AOPEP: variants seen among roughly 807,000 people sequenced by gnomAD.
AOPEP encodes aminopeptidase O (putative).
A neutral mutation model predicts 98.1 loss-of-function variants in AOPEP; 77 were observed. That is an observed-to-expected ratio of 0.78 (90% CI 0.65 to 0.95). The LOEUF (loss-of-function observed/expected upper bound fraction) is 0.95, where lower values mean the gene tolerates loss of function less well. AOPEP is among the 40% of genes least tolerant of loss of function. The pLI, the probability that AOPEP is intolerant of heterozygous loss-of-function variation, is 0.00. For synonymous variants in AOPEP, 346 were observed against 365.3 expected (o/e 0.95, Z 0.60); for missense variants, 1,024 against 1,024.7 (o/e 1.00, Z 0.01).
At chr9:95,105,624 C>T in the AOPEP span, among the ~76,000 whole-genome samples, 1 of 152,134 alleles carries the variant, frequency 6.6e-6, no homozygotes, top group African/African-American at 2.4e-5. Context: ...GTCTCCTGCC[C>T]CTTTCCATGA....
chr9:94,867,769 G>C (rs1485771861), intron 5 of AOPEP, among the ~76,000 whole-genome samples: 1 of 152,158 alleles, frequency 6.6e-6, no homozygotes, highest in Admixed American at 6.5e-5. Context: ...GATAGGATCT[G>C]TTCTGATTCG....
At chr9:95,102,594 C>T in the AOPEP span, among the ~76,000 whole-genome samples, 1 of 152,182 alleles carries the variant, frequency 6.6e-6, no homozygotes, top group African/African-American at 2.4e-5. Context: ...ACAGAACCCG[C>T]AAATGTTTAA....
chr9:94,892,055 C>G (rs1026328288), intron 5 of AOPEP, among the ~76,000 whole-genome samples: 4 of 152,162 alleles, frequency 2.6e-5, no homozygotes, highest in African/African-American at 9.7e-5. Context: ...CACTGTCTTT[C>G]AAATTAGTAT....
chr9:95,055,951 G>A (rs1042416715), intron 13 of AOPEP, among the ~76,000 whole-genome samples: 1 of 151,886 alleles, frequency 6.6e-6, no homozygotes. Context: ...ATATAGCAGA[G>A]AATGCTTTTC....
chr9:94,900,755 A>C (rs143517169), intron 5 of AOPEP: 28 of 152,332 alleles, frequency 1.8e-4, no homozygotes, highest in African/African-American at 6.7e-4. Context: ...TGGGGCATGT[A>C]GACAATCCAA....
chr9:94,956,095 A>G, intron 9 of AOPEP, 80 bp downstream of exon 9: 1 of 815,910 alleles, frequency 1.2e-6, no homozygotes, highest in Non-Finnish European at 2.0e-6. Context: ...TGCCAGTATT[A>G]AAGAGTAGGG....
intron 5 of AOPEP, among the ~76,000 whole-genome samples, chr9:94,916,978 T>G (rs1163785519): frequency 6.6e-6 from 1 of 152,214 alleles, no homozygotes; most frequent in Non-Finnish European, 1.5e-5. Flanking sequence ...AATAAAATAC[T>G]GTTTCTCCCT....
chr9:94,832,592 A>G (rs1856231515), intron 5 of AOPEP, among the ~76,000 whole-genome samples: 1 of 152,222 alleles, frequency 6.6e-6, no homozygotes, highest in South Asian at 2.1e-4. Flanking sequence ...GTTTTTTGGC[A>G]TAGCAAAAGA....
At chr9:94,992,501 AG>A (rs2132388246) in intron 11 of AOPEP, among the ~76,000 whole-genome samples, 1 of 152,362 alleles carries the variant, frequency 6.6e-6, no homozygotes, top group East Asian at 1.9e-4. Context: ...GGCTGGGTAG[AG>A]GAGGAAAGTC....
intron 16 of AOPEP, among the ~76,000 whole-genome samples, chr9:95,083,502 G>C (rs536102619): frequency 2.9e-5 from 4 of 139,248 alleles, no homozygotes; most frequent in East Asian, 2.2e-4. Flanking sequence ...ACACCACACA[G>C]AGCACCTGGA....
At chr9:94,916,703 A>ATT (rs1231239824) in intron 5 of AOPEP, among the ~76,000 whole-genome samples, 2,202 of 150,356 alleles carry the variant, frequency 0.015, 58 homozygotes, top group African/African-American at 0.051. Flanking sequence ...TCAAAAAAAA[A>ATT]AAAAAATTAA....
At chr9:94,817,038 T>A (rs1313590396) in intron 5 of AOPEP, among the ~76,000 whole-genome samples, 1 of 152,216 alleles carries the variant, frequency 6.6e-6, no homozygotes, top group Non-Finnish European at 1.5e-5. Flanking sequence ...CTCACTTTTT[T>A]ACCCAAGGCT....
chr9:94,951,153 A>G (rs2058076181), intron 7 of AOPEP, among the ~76,000 whole-genome samples: 1 of 152,228 alleles, frequency 6.6e-6, no homozygotes, highest in South Asian at 2.1e-4. Flanking sequence ...CTCACATTCC[A>G]TGTATTCCAG....
At position 95,076,723 on chromosome 9, in the gene AOPEP, G is replaced by A. The variant is rs186983024; in HGVS notation, c.2233-3971G>A. 6.6e-5 allele frequency among the ~76,000 whole-genome samples: 10 copies of A among 152,354 alleles called. No homozygotes were observed. The East Asian group carries it at 1.9e-3, about 29-fold the overall frequency. ...AGTGGCCACCTGCACAGTAGGGACT[G>A]AAGGCAGTCTCTGGGCATAGGGATG... On this transcript the variant is annotated intron_variant, in intron 14 of 16. Transcript: ENST00000375315.
At chr9:95,146,487 C>CAA in the AOPEP span, among the ~76,000 whole-genome samples, 9,512 of 45,494 alleles carry the variant, frequency 0.21, 1,825 homozygotes, top group South Asian at 0.31. Flanking sequence ...GACCCCATCT[C>CAA]AAAAAAAAAA....
At chr9:95,054,583 G>C (rs1462365174) in intron 13 of AOPEP, among the ~76,000 whole-genome samples, 3 of 152,192 alleles carry the variant, frequency 2.0e-5, no homozygotes, top group African/African-American at 7.2e-5. Context: ...AATTATTTCA[G>C]ATAGTATTTG....
At chr9:94,870,025 A>G (rs1201059258) in intron 5 of AOPEP, among the ~76,000 whole-genome samples, 1 of 84,534 alleles carries the variant, frequency 1.2e-5, no homozygotes, top group South Asian at 3.6e-4. Context: ...TTTCGTTCTT[A>G]TTGCCTAAGC....
the AOPEP span, among the ~76,000 whole-genome samples, chr9:95,095,804 C>T: frequency 7.0e-6 from 1 of 142,006 alleles, no homozygotes; most frequent in African/African-American, 2.5e-5. Context: ...CTCCAAAGGA[C>T]TGGAGAGTCT....
intron 13 of AOPEP, among the ~76,000 whole-genome samples, chr9:95,041,623 A>G (rs1237835214): frequency 6.6e-6 from 1 of 152,158 alleles, no homozygotes; most frequent in African/African-American, 2.4e-5. Flanking sequence ...GGATGGCTTG[A>G]ATATTTCTTA....
Sources: gnomAD v4.1 joint callset for allele counts (sites outside exome capture counted in the v4.1 genomes callset) on GRCh38, gnomAD v4.1.1 for gene constraint, MANE v1.5 for transcripts, NCBI Gene and HGNC (gene_info 2026-07-23, HGNC 2026-07-21) for gene names.